The following SEZ6L variants were observed in gnomAD, a reference collection of about 807,000 sequenced individuals.
SEZ6L encodes seizure related 6 homolog like.
SEZ6L carries 37 observed loss-of-function variants against 106.2 expected under a neutral mutation model. The observed-to-expected ratio is 0.35, with a 90% CI of 0.27 to 0.46. The LOEUF is 0.46. Ranked by LOEUF, SEZ6L falls within the 20% of genes least tolerant of loss-of-function variation. SEZ6L has a pLI of 1.00. For missense variants in SEZ6L, 1,172 were observed against 1,332.8 expected (o/e 0.88, Z 1.88); for synonymous variants, 541 against 570.4 (o/e 0.95, Z 0.73).
At chr22:26,286,303 G>T (rs1376328832) in intron 1 of SEZ6L, among the ~76,000 whole-genome samples, 1 of 152,170 alleles carries the variant, frequency 6.6e-6, no homozygotes, top group African/African-American at 2.4e-5. Context: ...TGCATTCCTA[G>T]ACCTCTCAAT....
At chr22:26,240,364 C>T (rs1001971861) in intron 1 of SEZ6L, among the ~76,000 whole-genome samples, 2 of 152,070 alleles carry the variant, frequency 1.3e-5, no homozygotes, top group Admixed American at 6.6e-5. Context: ...GGACTCAGGC[C>T]TAGGTGTGAT....
At chr22:26,243,846 G>A (rs1490454222) in intron 1 of SEZ6L, among the ~76,000 whole-genome samples, 1 of 151,484 alleles carries the variant, frequency 6.6e-6, no homozygotes, top group Admixed American at 6.6e-5. Context: ...GAGGCCTGGC[G>A]TGGTGGCTCA....
intron 1 of SEZ6L, among the ~76,000 whole-genome samples, chr22:26,207,182 C>T (rs935346657): frequency 6.6e-6 from 1 of 152,124 alleles, no homozygotes; most frequent in African/African-American, 2.4e-5. Context: ...CACTTGCACC[C>T]ACTATAATTG....
chr22:26,174,892 A>G (rs751165123), intron 1 of SEZ6L, among the ~76,000 whole-genome samples: 33 of 152,350 alleles, frequency 2.2e-4, no homozygotes, highest in Non-Finnish European at 2.8e-4. Flanking sequence ...AGTGCTTTAT[A>G]TAGATATGTG....
At chr22:26,368,932 A>T (rs1158103155) in intron 13 of SEZ6L, among the ~76,000 whole-genome samples, 2 of 152,054 alleles carry the variant, frequency 1.3e-5, no homozygotes, top group South Asian at 2.1e-4. Flanking sequence ...CATGACTGTA[A>T]ATTTCCCGCC....
At chr22:26,252,583 C>T (rs993315527) in intron 1 of SEZ6L, among the ~76,000 whole-genome samples, 1 of 152,194 alleles carries the variant, frequency 6.6e-6, no homozygotes, top group African/African-American at 2.4e-5. Context: ...TCACTCCTCC[C>T]TCTAGTAGCC....
At chr22:26,184,602 C>T (rs1224293240) in intron 1 of SEZ6L, among the ~76,000 whole-genome samples, 1 of 152,182 alleles carries the variant, frequency 6.6e-6, no homozygotes, top group Non-Finnish European at 1.5e-5. Flanking sequence ...GAAATGTATA[C>T]TCCCTGTGAT....
At chr22:26,324,243 C>T (rs1296090514) in intron 9 of SEZ6L, among the ~76,000 whole-genome samples, 1 of 152,170 alleles carries the variant, frequency 6.6e-6, no homozygotes, top group African/African-American at 2.4e-5. Context: ...ATACATCCAT[C>T]TCTGCAGGGA....
At chr22:26,185,275 C>A (rs1246931233) in intron 1 of SEZ6L, among the ~76,000 whole-genome samples, 1 of 152,222 alleles carries the variant, frequency 6.6e-6, no homozygotes, top group African/African-American at 2.4e-5. Flanking sequence ...CAGCCACAGC[C>A]AGACACCTTG....
intron 9 of SEZ6L, among the ~76,000 whole-genome samples, chr22:26,326,106 C>T (rs2082298888): frequency 6.6e-6 from 1 of 152,168 alleles, no homozygotes; most frequent in African/African-American, 2.4e-5. Flanking sequence ...ACACAAGCAC[C>T]AGGGTTAGGT....
intron 5 of SEZ6L, among the ~76,000 whole-genome samples, chr22:26,301,003 T>C (rs1295208998): frequency 2.0e-5 from 3 of 152,278 alleles, no homozygotes; most frequent in Admixed American, 2.0e-4. Context: ...TTTCTTGTGC[T>C]CTGAGTGTAA....
intron 1 of SEZ6L, among the ~76,000 whole-genome samples, chr22:26,172,552 C>T (rs1296694721): frequency 6.6e-6 from 1 of 152,074 alleles, no homozygotes; most frequent in East Asian, 1.9e-4. Context: ...ACAATTTATC[C>T]AATATACCTA....
chr22:26,210,169 C>A (rs8138986), intron 1 of SEZ6L, among the ~76,000 whole-genome samples: 23 of 152,192 alleles, frequency 1.5e-4, no homozygotes, highest in African/African-American at 5.1e-4. Context: ...CCATGGCCCT[C>A]CCCCTGCCCT....
At chr22:26,169,971 G>C (rs1186825389) in intron 1 of SEZ6L, among the ~76,000 whole-genome samples, 1 of 152,154 alleles carries the variant, frequency 6.6e-6, no homozygotes, top group Non-Finnish European at 1.5e-5. Flanking sequence ...AAGGACTCGG[G>C]CGCTTCCCTG....
intron 1 of SEZ6L, among the ~76,000 whole-genome samples, chr22:26,206,692 A>G (rs2145690189): frequency 6.6e-6 from 1 of 152,358 alleles, no homozygotes; most frequent in South Asian, 2.1e-4. Context: ...CATCCATAAT[A>G]TATTACCTCT....
chr22:26,255,935 T>C (rs1337327623), intron 1 of SEZ6L, among the ~76,000 whole-genome samples: 2 of 152,210 alleles, frequency 1.3e-5, no homozygotes, highest in South Asian at 2.1e-4. Flanking sequence ...ATCTTTAGTG[T>C]TGGAAGAGCA....
At chr22:26,276,084 A>G (rs2080534898) in intron 1 of SEZ6L, among the ~76,000 whole-genome samples, 1 of 152,210 alleles carries the variant, frequency 6.6e-6, no homozygotes, top group Non-Finnish European at 1.5e-5. Flanking sequence ...TTTGCTCACC[A>G]TTAAAACGAA....
In SEZ6L at chr22:26,299,186, G is replaced by A. The variant is rs1369343747; in HGVS notation, c.1348+17G>A. 1.4e-6 allele frequency: 2 copies of A among 1,412,514 alleles called. No individual in the cohort carries two copies. Among genetic ancestry groups the A allele is most frequent in the African/African-American group, 1.5e-5 (1 of 68,618 alleles). 87.5% of individuals were successfully genotyped at this position (1,412,514 alleles called of 1,614,324 possible). ...TCTGCTCAGGTATGCTCCAGCCTCA[G>A]CCGGACCAAACCTGATGGTCCAACT... On this transcript the variant is annotated intron_variant, in intron 5 of 16. Coordinates refer to ENST00000248933, the MANE Select transcript of SEZ6L (RefSeq NM_021115.5).
chr22:26,359,622 C>T (rs2069924417), intron 12 of SEZ6L, among the ~76,000 whole-genome samples: 1 of 151,900 alleles, frequency 6.6e-6, no homozygotes, highest in Non-Finnish European at 1.5e-5. Context: ...ACCTCAGGGT[C>T]CTCAGGACCC....
Sources: gnomAD v4.1 joint callset for allele counts (sites outside exome capture counted in the v4.1 genomes callset) on GRCh38, gnomAD v4.1.1 for gene constraint, MANE v1.5 for transcripts, NCBI Gene and HGNC (gene_info 2026-07-23, HGNC 2026-07-21) for gene names.